SPECC1: variants seen among roughly 807,000 people sequenced by gnomAD.
The protein encoded by SPECC1 is cytospin-B.
SPECC1 carries 62 observed loss-of-function variants against 104.1 expected under a neutral mutation model. That is an observed-to-expected ratio of 0.60 (90% CI 0.49 to 0.74). SPECC1 has a LOEUF of 0.74. Ranked by LOEUF, SPECC1 falls within the 30% of genes least tolerant of loss-of-function variation. The pLI is 0.00. For synonymous variants in SPECC1, 513 were observed against 501.6 expected, an observed-to-expected ratio of 1.02 and a Z score of -0.30; for missense variants, 1,306 against 1,310.5, an observed-to-expected ratio of 1.00 and a Z score of 0.05.
At chr17:20,051,089 TTTCTTTCTTTCTTTC>T (rs2045739730) in intron 1 of SPECC1, among the ~76,000 whole-genome samples, 1 of 91,166 alleles carries the variant, frequency 1.1e-5, no homozygotes, top group Admixed American at 1.1e-4. Context: ...TCTTTCTTTC[TTTCTTTCTTTCTTTC>T]TTTCTTTCTT....
At chr17:20,293,409 T>C (rs954570425) in intron 12 of SPECC1, among the ~76,000 whole-genome samples, 4 of 152,168 alleles carry the variant, frequency 2.6e-5, no homozygotes, top group Non-Finnish European at 5.9e-5. Context: ...TGCCTCTCCT[T>C]TTCAGTTACA....
At chr17:20,017,157 C>G (rs559766590) in intron 1 of SPECC1, 1 of 152,318 alleles carries the variant, frequency 6.6e-6, no homozygotes, top group African/African-American at 2.4e-5. Flanking sequence ...TAACGTGCTG[C>G]GGTCGCATTC....
intron 11 of SPECC1, among the ~76,000 whole-genome samples, chr17:20,258,010 C>G (rs569553136): frequency 6.6e-6 from 1 of 152,172 alleles, no homozygotes; most frequent in Non-Finnish European, 1.5e-5. Flanking sequence ...TGTACATATG[C>G]ATAACAAGCT....
Position 20,205,881 on chromosome 17 carries a change from A to C in SPECC1, c.1832A>C (p.Glu611Ala). Residue 611 changes from glutamate (E) to alanine (A), a missense_variant, in exon 4 of 15, where the codon GAA (glutamate) becomes GCA (alanine). This residue lies in a region of SPECC1 where 1,177 missense variants were observed against 1,139.9 expected (regional missense o/e 1.03). Coordinates refer to ENST00000395527, the MANE Select transcript of SPECC1 (RefSeq NM_001243439.2). ...LRQELLKANG[E>A]IKHVSSLLAK... ...CAAGAATTACTAAAGGCAAACGGTG[A>C]AATTAAACATGTTTCCAGTCTGCTG... The C allele has an allele frequency of 6.2e-7, 1 of 1,612,784 alleles. No homozygotes were observed. Among genetic ancestry groups the C allele is most frequent in the Non-Finnish European group, 8.5e-7 (1 of 1,179,780 alleles).
At chr17:20,103,259 T>C (rs2703809) in intron 2 of SPECC1, among the ~76,000 whole-genome samples, 152,209 of 152,248 alleles carry the variant, frequency 1, 76,085 homozygotes, top group South Asian at 1. Flanking sequence ...TGAGAAAAAC[T>C]GAATCATGGC....
chr17:20,024,397 C>G (rs999457910), intron 1 of SPECC1, among the ~76,000 whole-genome samples: 6 of 152,162 alleles, frequency 3.9e-5, no homozygotes, highest in Non-Finnish European at 8.8e-5. Flanking sequence ...CAGTAATTCT[C>G]CATTCTTTCA....
intron 12 of SPECC1, among the ~76,000 whole-genome samples, chr17:20,288,147 A>G (rs1017103870): frequency 1.3e-5 from 2 of 152,174 alleles, no homozygotes; most frequent in Non-Finnish European, 2.9e-5. Flanking sequence ...TTATGGCTGC[A>G]TAGTATGGTG....
Position 20,165,241 on chromosome 17 carries a change from C to T in SPECC1, c.284-39092C>T, listed in dbSNP as rs372522016. Reference sequence around the variant, plus strand: ...AGGCCCCAGTGTGTGTTGTTCCCCCCACCCCCTGTGCCGTTTCCATGTGTT... The same window carrying T: ...AGGCCCCAGTGTGTGTTGTTCCCCCTACCCCCTGTGCCGTTTCCATGTGTT... On this transcript the variant is annotated intron_variant, in intron 3 of 14. Transcript: ENST00000395527. Among the ~76,000 whole-genome samples, 11 of 152,248 alleles carry T rather than the reference C, an allele frequency of 7.2e-5. No homozygotes were observed. In the East Asian group the frequency reaches 1.9e-3, roughly 27 times the overall value.
chr17:20,028,756 TG>T (rs1365004676), intron 1 of SPECC1, among the ~76,000 whole-genome samples: 3 of 141,242 alleles, frequency 2.1e-5, no homozygotes, highest in African/African-American at 5.3e-5. Context: ...TGAAGTCATC[TG>T]GGATTTTTTT....
intron 12 of SPECC1, among the ~76,000 whole-genome samples, chr17:20,261,484 A>C (rs1173166188): frequency 6.8e-6 from 1 of 146,724 alleles, no homozygotes; most frequent in Non-Finnish European, 1.5e-5. Flanking sequence ...GCTGGGCGAC[A>C]GAGCAAGACT....
At chr17:20,213,370 C>A (rs1367976024) in intron 4 of SPECC1, among the ~76,000 whole-genome samples, 1 of 152,144 alleles carries the variant, frequency 6.6e-6, no homozygotes, top group African/African-American at 2.4e-5. Flanking sequence ...GCTGGGATTG[C>A]AGGGGTGAGC....
intron 3 of SPECC1, among the ~76,000 whole-genome samples, chr17:20,164,601 A>C (rs1024914846): frequency 2.6e-5 from 4 of 152,100 alleles, no homozygotes; most frequent in African/African-American, 9.7e-5. Flanking sequence ...GTTGGAACAT[A>C]TTCTTTAACA....
At chr17:20,282,737 C>T (rs1225430082) in intron 12 of SPECC1, among the ~76,000 whole-genome samples, 1 of 152,110 alleles carries the variant, frequency 6.6e-6, no homozygotes, top group Non-Finnish European at 1.5e-5. Context: ...ATGAGCATGG[C>T]CCCTGCAGCT....
intron 12 of SPECC1, among the ~76,000 whole-genome samples, chr17:20,276,971 C>G (rs1598126720): frequency 1.3e-5 from 2 of 152,206 alleles, no homozygotes; most frequent in East Asian, 3.9e-4. Flanking sequence ...ACCAGGGGAG[C>G]AGCCCGAAGT....
intron 3 of SPECC1, among the ~76,000 whole-genome samples, chr17:20,190,719 A>G (rs1017743026): frequency 6.6e-6 from 1 of 152,066 alleles, no homozygotes; most frequent in Non-Finnish European, 1.5e-5. Context: ...CCATGTATCC[A>G]AGTTTTTTGT....
chr17:20,149,855 T>C (rs191217071), intron 3 of SPECC1, among the ~76,000 whole-genome samples: 160 of 152,346 alleles, frequency 1.1e-3, no homozygotes, highest in Non-Finnish European at 2.0e-3. Context: ...AACAGTTTTG[T>C]TTTATAAATC....
rs75343197 is a variant in SPECC1, at chr17:20,204,307, C to G, written c.284-26C>G. The G allele has an allele frequency of 7.7e-3, 12,181 of 1,578,308 alleles. 707 individuals carry two copies. The African/African-American group carries it at 0.13, about 17-fold the overall frequency. On this transcript the variant is annotated intron_variant, in intron 3 of 14. Transcript: ENST00000395527. ...TATAAGAATGCTTGCTTTATTTTTT[C>G]ATTTTTTTCTTCTTCTGTCTTTAAG...
intron 1 of SPECC1, among the ~76,000 whole-genome samples, chr17:20,022,011 G>A (rs2044410017): frequency 6.6e-6 from 1 of 151,426 alleles, no homozygotes; most frequent in African/African-American, 2.4e-5. Context: ...GCATGGTCTC[G>A]GCTCACTGCA....
At chr17:20,298,948 A>AGAGAGAGAGG in intron 13 of SPECC1, among the ~76,000 whole-genome samples, 1 of 49,072 alleles carries the variant, frequency 2.0e-5, no homozygotes, top group Non-Finnish European at 3.7e-5. Flanking sequence ...AGAGAGAGAG[A>AGAGAGAGAGG]GTGTGTGTGT....
Sources: allele counts gnomAD v4.1 joint callset (sites outside exome capture counted in the v4.1 genomes callset), GRCh38; gene constraint gnomAD v4.1.1; regional missense constraint gnomAD v4.1.1; transcripts MANE v1.5; gene names NCBI Gene and HGNC (gene_info 2026-07-23, HGNC 2026-07-21).